Variants in TRPM1 observed in about 807,000 individuals in gnomAD.
TRPM1 encodes the protein TRPM1-203 APA Isoform, Intron 10.
Under a neutral mutation model 149.4 loss-of-function variants are expected in TRPM1, and 113 were observed. That is an observed-to-expected ratio of 0.76 (90% CI 0.65 to 0.88). The LOEUF (loss-of-function observed/expected upper bound fraction) is 0.88. Ranked by LOEUF, TRPM1 falls within the 40% of genes least tolerant of loss-of-function variation. The probability of loss-of-function intolerance (pLI) is 0.00; values close to 1 mark genes in which losing one functional copy is unlikely to be tolerated. For missense variants in TRPM1, 1,976 were observed against 2,038.7 expected (o/e 0.97, Z 0.59); for synonymous variants, 741 against 759.5 (o/e 0.98, Z 0.40).
At chr15:31,025,449 C>T in intron 27 of TRPM1, among the ~76,000 whole-genome samples, 1 of 152,190 alleles carries the variant, frequency 6.6e-6, no homozygotes, top group Non-Finnish European at 1.5e-5. Flanking sequence ...ATTTCTGTAC[C>T]TCGCGACCTG....
At chr15:31,005,802 A>G (rs1028133937) in intron 27 of TRPM1, among the ~76,000 whole-genome samples, 46 of 152,360 alleles carry the variant, frequency 3.0e-4, no homozygotes, top group African/African-American at 1.1e-3. Context: ...TTTGTTAACC[A>G]TGGTTGGTGA....
chr15:31,017,039 T>G (rs552213411), intron 27 of TRPM1, among the ~76,000 whole-genome samples: 1 of 152,122 alleles, frequency 6.6e-6, no homozygotes, highest in Admixed American at 6.5e-5. Flanking sequence ...TTGTGGTGGT[T>G]CACGCCTGTA....
chr15:31,146,170 C>T (rs1391619298), intron 1 of TRPM1, among the ~76,000 whole-genome samples: 10 of 152,140 alleles, frequency 6.6e-5, no homozygotes, highest in African/African-American at 2.2e-4. Flanking sequence ...AATGTTTGCA[C>T]GCAGCCATCC....
chr15:31,159,115 T>C (rs1392491480), intron 1 of TRPM1, among the ~76,000 whole-genome samples: 1 of 151,928 alleles, frequency 6.6e-6, no homozygotes, highest in Non-Finnish European at 1.5e-5. Flanking sequence ...CCTTCGTCCT[T>C]GGGCTTGAAG....
At chr15:31,084,529 G>A (rs2034945015) in intron 1 of TRPM1, among the ~76,000 whole-genome samples, 1 of 152,124 alleles carries the variant, frequency 6.6e-6, no homozygotes, top group African/African-American at 2.4e-5. Context: ...AGGTAGCGCA[G>A]ATCAGGACTT....
chr15:31,029,232 T>G (rs2032941546), intron 24 of TRPM1, 139 bp downstream of exon 24: 1 of 852,254 alleles, frequency 1.2e-6, no homozygotes, highest in African/African-American at 1.7e-5. Context: ...TACTTTTTAC[T>G]GACAGCTTAA....
At chr15:31,138,851 G>A (rs2036123454) in intron 1 of TRPM1, among the ~76,000 whole-genome samples, 1 of 151,894 alleles carries the variant, frequency 6.6e-6, no homozygotes, top group Non-Finnish European at 1.5e-5. Flanking sequence ...CTATTTTTAA[G>A]GGCGCTTCCC....
upstream of TRPM1, among the ~76,000 whole-genome samples, chr15:31,102,387 C>T (rs987064942): frequency 6.6e-6 from 1 of 152,210 alleles, no homozygotes; most frequent in African/African-American, 2.4e-5. Flanking sequence ...AAGAAAAAAC[C>T]CAAACCCTGA....
At chr15:31,149,740 C>A (rs278355) in intron 1 of TRPM1, among the ~76,000 whole-genome samples, 1 of 151,920 alleles carries the variant, frequency 6.6e-6, no homozygotes, top group East Asian at 1.9e-4. Context: ...AGGATGGTCT[C>A]GATCTCCTGA....
intron 1 of TRPM1, among the ~76,000 whole-genome samples, chr15:31,140,828 T>A (rs2036151442): frequency 6.6e-6 from 1 of 152,112 alleles, no homozygotes; most frequent in Non-Finnish European, 1.5e-5. Context: ...TTTGTTTGTT[T>A]GTTTGTTTTT....
intron 21 of TRPM1, among the ~76,000 whole-genome samples, chr15:31,034,035 C>T (rs1295855369): frequency 6.6e-6 from 1 of 152,106 alleles, no homozygotes; most frequent in East Asian, 1.9e-4. Context: ...ACAATTACTG[C>T]AAAATAATAG....
chr15:31,049,321 A>G, intron 13 of TRPM1, 54 bp downstream of exon 13: 1 of 1,613,340 alleles, frequency 6.2e-7, no homozygotes. Flanking sequence ...CACCAGTGAC[A>G]AACACATTTA....
At chr15:31,025,833 T>C (rs2032710783) in intron 27 of TRPM1, among the ~76,000 whole-genome samples, 1 of 152,226 alleles carries the variant, frequency 6.6e-6, no homozygotes, top group African/African-American at 2.4e-5. Context: ...GAAGGATGGC[T>C]TTCTGTAGCT....
Position 31,040,254 on chromosome 15 carries a change from T to C in TRPM1, c.2180A>G (p.Asn727Ser), listed in dbSNP as rs1160971288. 1.9e-6 allele frequency: 3 copies of C among 1,614,026 alleles called. No individual in the cohort carries two copies. ...TTTGAGGCAGGTCGAGTTGCTCCAG[T>C]TTTTCAGCTCGTAGGTCAGGAGTTT... ...AMKLLTYELK[N>S]WSNSTCLKLA... Residue 727 changes from asparagine (N) to serine (S), a missense_variant, in exon 18 of 28, where the codon AAC (asparagine) becomes AGC (serine). By Grantham distance (46) the Asn-to-Ser change is conservative (BLOSUM62 1). Around this residue, in one of 3 missense-constraint regions of TRPM1, gnomAD observed 1,332 missense variants for 1,347.1 expected, o/e 0.99. Transcript: ENST00000256552. This position sits in a 1 kb window ranked among gnomAD's most constrained non-coding sequence, Gnocchi z 4.2.
At chr15:31,037,913 G>A (rs927822271) in intron 19 of TRPM1, 71 bp from the exon 20 acceptor site, 31 of 1,612,306 alleles carry the variant, frequency 1.9e-5, no homozygotes, top group African/African-American at 2.7e-5. Context: ...CGGCACACAG[G>A]CACCATTAGA....
chr15:31,105,516 A>C (rs2035594859), upstream of TRPM1, among the ~76,000 whole-genome samples: 4 of 152,046 alleles, frequency 2.6e-5, no homozygotes, highest in Admixed American at 2.6e-4. Context: ...GCATCATGAT[A>C]ATTTTCAATT....
intron 11 of TRPM1, among the ~76,000 whole-genome samples, chr15:31,051,159 T>A (rs16956497): frequency 0.037 from 5,492 of 150,054 alleles, 330 homozygotes; most frequent in African/African-American, 0.13. Flanking sequence ...TCAAGGGGAG[T>A]GTGTGCTCTA....
At chr15:31,121,647 C>G (rs143650915) in intron 1 of TRPM1, among the ~76,000 whole-genome samples, 1,624 of 152,238 alleles carry the variant, frequency 0.011, 11 homozygotes, top group Non-Finnish European at 0.016. Context: ...CCTGAATAGG[C>G]AATATCTATT....
chr15:31,131,942 C>T (rs1316024008), intron 1 of TRPM1, among the ~76,000 whole-genome samples: 3 of 152,000 alleles, frequency 2.0e-5, no homozygotes, highest in Admixed American at 6.6e-5. Flanking sequence ...CAAAATGACT[C>T]GGGCTCCCAG....
Sources: allele counts gnomAD v4.1 joint callset (sites outside exome capture counted in the v4.1 genomes callset), GRCh38; gene constraint gnomAD v4.1.1; regional missense constraint gnomAD v4.1.1; non-coding constraint Gnocchi (gnomAD v3.1); transcripts MANE v1.5; gene names NCBI Gene and HGNC (gene_info 2026-07-23, HGNC 2026-07-21).